BCL2L12: variants seen among roughly 807,000 people sequenced by gnomAD.
BCL2L12 encodes BCL2 like 12.
In BCL2L12, 27 loss-of-function variants were observed where a neutral mutation model predicts 25.7. The observed-to-expected ratio is 1.05, with a 90% CI of 0.78 to 1.45. The LOEUF (loss-of-function observed/expected upper bound fraction) is 1.45, where lower values mean the gene tolerates loss of function less well. BCL2L12 is among the 40% of genes most tolerant of loss of function. The pLI is 0.00. For synonymous variants in BCL2L12, 132 were observed against 145.6 expected (o/e 0.91, Z 0.67); for missense variants, 302 against 329.8 (o/e 0.92, Z 0.65).
chr19:49,667,109 G>A lies in BCL2L12; in HGVS notation c.198G>A (p.Glu66=). The part of the protein sequence containing the change: ...CSLGRGAAPS[E]SPRPCSLPIR... ...TGGGGCGAGGAGCAGCCCCCTCTGAGTCCCCTCGGCCTTGCTCTCTGCCCA... is the reference window on the plus strand; with the variant it reads ...TGGGGCGAGGAGCAGCCCCCTCTGAATCCCCTCGGCCTTGCTCTCTGCCCA... The change falls in exon 3 of 7, where the codon GAG becomes GAA. Residue 66 remains glutamate, a synonymous_variant. Coordinates refer to ENST00000246784, the MANE Select transcript of BCL2L12 (RefSeq NM_138639.2). 2 of 1,614,028 alleles carry A rather than the reference G, an allele frequency of 1.2e-6. No homozygotes were observed. Among genetic ancestry groups the A allele is most frequent in the Non-Finnish European group, 1.7e-6 (2 of 1,180,002 alleles).
In BCL2L12 at chr19:49,672,431, A is replaced by G. The variant is rs1234682297; in HGVS notation, c.703-1267A>G. 6.6e-6 allele frequency among the ~76,000 whole-genome samples: 1 copy of G among 152,108 alleles called. No homozygotes were observed. The highest frequency in any genetic ancestry group is 1.5e-5 in the Non-Finnish European group (1 of 68,014). On this transcript the variant is annotated intron_variant, in intron 6 of 6. Transcript: ENST00000246784. The surrounding 1 kb of genome is among the most constrained non-coding windows in gnomAD (Gnocchi z 4.1). ...GACCCTGTGGTCACGGTGAGTGACA[A>G]CTCGGACTTTGACTCTGGGTAAGCC...
chr19:49,665,665 A>G (rs1229756751), upstream of BCL2L12: 2 of 982,602 alleles, frequency 2.0e-6, no homozygotes, highest in Admixed American at 2.7e-5. Flanking sequence ...GGGCAGCTGG[A>G]ACCCACCCCT....
In BCL2L12 at chr19:49,666,023, G is replaced by C. The variant is rs373601090; in HGVS notation, c.-53G>C. 9.1e-5 allele frequency: 143 copies of C among 1,577,346 alleles called. No individual in the cohort carries two copies. Among genetic ancestry groups the C allele is most frequent in the Non-Finnish European group, 1.2e-5 (14 of 1,159,668 alleles). ...AAGTTTGTACGAGTTCAGTGGAGGAGACCGCAAGTTGAGTGGAGGAGGCGG... is the reference window on the plus strand; with the variant it reads ...AAGTTTGTACGAGTTCAGTGGAGGACACCGCAAGTTGAGTGGAGGAGGCGG... On this transcript the variant is annotated 5_prime_UTR_variant, in exon 1 of 7. Transcript: ENST00000246784.
Position 49,670,493 on chromosome 19 carries a change from G to C in BCL2L12, c.702+5G>C. The C allele has an allele frequency of 6.5e-7, 1 of 1,536,902 alleles. No individual in the cohort carries two copies. The highest frequency in any genetic ancestry group is 8.7e-7 in the Non-Finnish European group (1 of 1,144,038). On this transcript the variant is annotated splice_donor_5th_base_variant and intron_variant, in intron 6 of 6. Transcript: ENST00000246784. Reference sequence around the variant, plus strand: ...ATCCAGGCCCACGGGGGCTGGGTGAGCCGCTGAAGCCTCTCTCTCCGGGCC... The same window carrying C: ...ATCCAGGCCCACGGGGGCTGGGTGACCCGCTGAAGCCTCTCTCTCCGGGCC...
intron 5 of BCL2L12, among the ~76,000 whole-genome samples, chr19:49,669,389 G>A (rs111299168): frequency 2.6e-5 from 4 of 151,880 alleles, no homozygotes; most frequent in African/African-American, 7.3e-5. Context: ...TACAAAAATC[G>A]GACAGGTGTG....
At chr19:49,669,224 G>A (rs935428492) in intron 5 of BCL2L12, 109 bp downstream of exon 5, 2 of 1,509,064 alleles carry the variant, frequency 1.3e-6, no homozygotes, top group African/African-American at 2.8e-5. Flanking sequence ...GGTGGAAAGA[G>A]GCTGGGACAA....
rs1400632559 is a variant in BCL2L12 at position 49,666,688 on chromosome 19, C to G, written c.-5C>G. 3 of 1,550,738 alleles carry G rather than the reference C, an allele frequency of 1.9e-6. No homozygotes were observed. The Admixed American group carries it at 5.9e-5, about 31-fold the overall frequency. On this transcript the variant is annotated 5_prime_UTR_variant, in exon 2 of 7. Transcript: ENST00000246784. The stretch of plus-strand genomic sequence containing the variant: ...TCCCTAACCCTCTCTCTCACAGGTG[C>G]CTCCATGGCAGGCTCTGAAGAGCTG...
intron 5 of BCL2L12, 47 bp downstream of exon 5, chr19:49,669,162 A>T: frequency 6.2e-7 from 1 of 1,602,934 alleles, no homozygotes; most frequent in Non-Finnish European, 8.5e-7. Flanking sequence ...GAGTTGCGGA[A>T]TGGTGGGGCA....
chr19:49,670,738 C>T (rs1205873817), intron 6 of BCL2L12, among the ~76,000 whole-genome samples: 2 of 152,182 alleles, frequency 1.3e-5, no homozygotes, highest in Admixed American at 6.5e-5. Context: ...CAGGGAGAGG[C>T]CGGACGGGGT....
intron 6 of BCL2L12, 126 bp downstream of exon 6, chr19:49,670,614 CT>C: frequency 7.7e-7 from 1 of 1,297,530 alleles, no homozygotes; most frequent in African/African-American, 1.5e-5. Flanking sequence ...TGCGTTCGTT[CT>C]GTTGAGCCCT....
At chr19:49,665,762 T>G, upstream of BCL2L12, 10 of 1,541,094 alleles carry the variant, frequency 6.5e-6, no homozygotes, top group Non-Finnish European at 8.8e-6. Flanking sequence ...GGCTTTCTTT[T>G]TGATCGACTT....
chr19:49,669,218 G>T, intron 5 of BCL2L12, 103 bp downstream of exon 5: 3 of 1,520,666 alleles, frequency 2.0e-6, no homozygotes, highest in Non-Finnish European at 2.7e-6. Context: ...TGGTCAGGTG[G>T]AAAGAGGCTG....
rs55995825 is a variant in BCL2L12 at position 49,670,313 on chromosome 19, C to T, written c.527C>T (p.Ser176Phe). 5 of 1,608,136 alleles carry T rather than the reference C, an allele frequency of 3.1e-6. No homozygotes were observed. Among genetic ancestry groups the T allele is most frequent in the Non-Finnish European group, 4.2e-6 (5 of 1,178,322 alleles). Reference sequence around the variant, plus strand: ...CTGTTCTGTAGCCGGGATGACAGCTCTCGCCCAAGCCGAGCATGCCCCGGG... The same window carrying T: ...CTGTTCTGTAGCCGGGATGACAGCTTTCGCCCAAGCCGAGCATGCCCCGGG... Reference protein sequence around the residue: ...VELFCSRDDSSRPSRACPGPP... With the variant: ...VELFCSRDDSFRPSRACPGPP... The change falls in exon 6 of 7, where the codon TCT becomes TTT. Residue 176 changes from serine to phenylalanine, a missense_variant. Ser to Phe is a radical substitution (Grantham distance 155). Coordinates refer to ENST00000246784, the MANE Select transcript of BCL2L12 (RefSeq NM_138639.2).
At chr19:49,666,113 G>A (rs1333133517) in intron 1 of BCL2L12, 46 bp downstream of exon 1, 1 of 1,519,730 alleles carries the variant, frequency 6.6e-7, no homozygotes, top group Non-Finnish European at 8.9e-7. Flanking sequence ...GGAAGAGGAG[G>A]GGGCCGGGAT....
At chr19:49,670,036 A>G (rs2081920785) in intron 5 of BCL2L12, among the ~76,000 whole-genome samples, 180 bp from the exon 6 acceptor site, 1 of 152,128 alleles carries the variant, frequency 6.6e-6, no homozygotes, top group African/African-American at 2.4e-5. Flanking sequence ...CCAGGCCACT[A>G]TCCCGGGGGT....
chr19:49,665,556 C>T, upstream of BCL2L12: 1 of 427,372 alleles, frequency 2.3e-6, no homozygotes, highest in East Asian at 3.9e-5. Flanking sequence ...TTTCCACTCT[C>T]CGTGCAGACC....
Position 49,672,829 on chromosome 19 carries a change from G to C in BCL2L12, c.703-869G>C, listed in dbSNP as rs556968266. 7.2e-5 allele frequency among the ~76,000 whole-genome samples: 11 copies of C among 152,256 alleles called. No homozygotes were observed. In the East Asian group the frequency reaches 2.1e-3, roughly 29 times the overall value. ...CTCATAGCACATGTTGAGGGGAATG[G>C]ATATAAGTGTTGGGCTCAGCAAAGA... On this transcript the variant is annotated intron_variant, in intron 6 of 6. Coordinates refer to ENST00000246784, the MANE Select transcript of BCL2L12 (RefSeq NM_138639.2). This position sits in a 1 kb window ranked among gnomAD's most constrained non-coding sequence, Gnocchi z 4.1.
chr19:49,672,609 A>G lies in BCL2L12; in HGVS notation c.703-1089A>G, dbSNP rs2081983493. Among the ~76,000 whole-genome samples the G allele has an allele frequency of 6.6e-6, 1 of 151,986 alleles. No individual in the cohort carries two copies. The highest frequency in any genetic ancestry group is 2.4e-5 in the African/African-American group (1 of 41,366). ...CTCACCCAAGTCGGGGGCGGTGGAGAATGCTGGATTTAACTTAGCGGTGAA... is the reference window on the plus strand; with the variant it reads ...CTCACCCAAGTCGGGGGCGGTGGAGGATGCTGGATTTAACTTAGCGGTGAA... On this transcript the variant is annotated intron_variant, in intron 6 of 6. Coordinates refer to ENST00000246784, the MANE Select transcript of BCL2L12 (RefSeq NM_138639.2). This position sits in a 1 kb window ranked among gnomAD's most constrained non-coding sequence, Gnocchi z 4.1.
rs1477396943 is a variant in BCL2L12, at chr19:49,672,694, C to A, written c.703-1004C>A. On this transcript the variant is annotated intron_variant, in intron 6 of 6. Coordinates refer to ENST00000246784, the MANE Select transcript of BCL2L12 (RefSeq NM_138639.2). This position sits in a 1 kb window ranked among gnomAD's most constrained non-coding sequence, Gnocchi z 4.1. ...ACAGACTAAAGGATGCTGGCCCGAG[C>A]AGCTGCAGGGCGACATCTTAAGTTC... is the stretch of plus-strand genomic sequence containing the variant. 6.6e-6 allele frequency among the ~76,000 whole-genome samples: 1 copy of A among 150,662 alleles called. No homozygotes were observed. The highest frequency in any genetic ancestry group is 2.5e-5 in the African/African-American group (1 of 40,718).
Sources: gnomAD v4.1 joint callset for allele counts (sites outside exome capture counted in the v4.1 genomes callset) on GRCh38, gnomAD v4.1.1 for gene constraint, Gnocchi (gnomAD v3.1) non-coding constraint, MANE v1.5 for transcripts, NCBI Gene and HGNC (gene_info 2026-07-23, HGNC 2026-07-21) for gene names.